Variants in PTPRT observed in about 807,000 individuals in gnomAD.
PTPRT encodes the protein receptor-type tyrosine-protein phosphatase T.
In PTPRT, 56 loss-of-function variants were observed where a neutral mutation model predicts 176.8. That is an observed-to-expected ratio of 0.32 (90% CI 0.26 to 0.40). The LOEUF (loss-of-function observed/expected upper bound fraction) is 0.40. PTPRT is among the 10% of genes least tolerant of loss of function. The pLI is 1.00. For synonymous variants in PTPRT, 783 were observed against 739.0 expected, an observed-to-expected ratio of 1.06 and a Z score of -0.96; for missense variants, 1,540 against 1,908.2, an observed-to-expected ratio of 0.81 and a Z score of 3.60.
At chr20:42,874,808 G>A (rs2078903508) in intron 2 of PTPRT, among the ~76,000 whole-genome samples, 1 of 152,164 alleles carries the variant, frequency 6.6e-6, no homozygotes, top group Non-Finnish European at 1.5e-5. Context: ...CCAGGAAGTG[G>A]TATACACATG....
intron 1 of PTPRT, among the ~76,000 whole-genome samples, chr20:43,062,833 T>C (rs1217731050): frequency 2.0e-5 from 3 of 152,182 alleles, no homozygotes; most frequent in African/African-American, 4.8e-5. Flanking sequence ...AATAAGGTCA[T>C]TGAGGGGAAA....
intron 18 of PTPRT, among the ~76,000 whole-genome samples, chr20:42,132,069 C>A (rs1302258112): frequency 6.6e-6 from 1 of 152,196 alleles, no homozygotes; most frequent in Non-Finnish European, 1.5e-5. Context: ...CTCAAGGAAT[C>A]ATGCTGGGCT....
At chr20:42,708,426 G>C (rs1263274674) in intron 6 of PTPRT, among the ~76,000 whole-genome samples, 1 of 152,144 alleles carries the variant, frequency 6.6e-6, no homozygotes, top group African/African-American at 2.4e-5. Context: ...TGGAGAGAGA[G>C]ATTTCTCAGT....
At chr20:42,231,595 T>C (rs1386721914) in intron 15 of PTPRT, among the ~76,000 whole-genome samples, 1 of 152,108 alleles carries the variant, frequency 6.6e-6, no homozygotes, top group Non-Finnish European at 1.5e-5. Flanking sequence ...TGGCAGGAGC[T>C]CAATAAGACA....
At chr20:42,659,205 T>G (rs3091699) in intron 7 of PTPRT, among the ~76,000 whole-genome samples, 74,028 of 151,934 alleles carry the variant, frequency 0.49, 20,487 homozygotes, top group African/African-American at 0.77. Context: ...TCTCTAACTC[T>G]CAAAAAAAAC....
chr20:42,551,013 C>G (rs1311160279), intron 7 of PTPRT, among the ~76,000 whole-genome samples: 2 of 152,072 alleles, frequency 1.3e-5, no homozygotes, highest in Non-Finnish European at 2.9e-5. Flanking sequence ...TGTACTTAAC[C>G]TCTCTATGCT....
intron 9 of PTPRT, among the ~76,000 whole-genome samples, chr20:42,398,882 G>A (rs2145696404): frequency 6.6e-6 from 1 of 152,340 alleles, no homozygotes; most frequent in African/African-American, 2.4e-5. Context: ...AGTAGCCATA[G>A]TCATCTAAGC....
At chr20:42,513,314 T>G (rs1295852174) in intron 7 of PTPRT, among the ~76,000 whole-genome samples, 1 of 152,034 alleles carries the variant, frequency 6.6e-6, no homozygotes, top group Non-Finnish European at 1.5e-5. Flanking sequence ...CTTAATTTTG[T>G]TAATTTCTGG....
chr20:42,239,556 G>A (rs2056312802), intron 14 of PTPRT, among the ~76,000 whole-genome samples: 2 of 151,574 alleles, frequency 1.3e-5, no homozygotes, highest in Admixed American at 1.3e-4. Flanking sequence ...CTGAGTAGCT[G>A]GGACTACAGG....
At chr20:43,106,494 TA>T (rs1249749291) in intron 1 of PTPRT, among the ~76,000 whole-genome samples, 1 of 151,558 alleles carries the variant, frequency 6.6e-6, no homozygotes, top group Non-Finnish European at 1.5e-5. Context: ...CCATCTCTAC[TA>T]AAAATACAAA....
intron 1 of PTPRT, among the ~76,000 whole-genome samples, chr20:42,896,822 TG>T (rs1327189993): frequency 1.3e-5 from 2 of 152,132 alleles, no homozygotes; most frequent in African/African-American, 4.8e-5. Context: ...TCCACCCTCG[TG>T]CCAACAAATG....
rs776143904 is a variant in PTPRT at position 42,448,268 on chromosome 20, G to A, written c.1512C>T (p.Ile504=). Residue 504 remains isoleucine (I), a synonymous_variant, in exon 9 of 31, where the codon ATC becomes ATT. Transcript: ENST00000373187. ...TGGTCTCATTGGGAGGTTTCCACTG[G>A]ATGTAGATCTTCTCCTCAAAGGGCC... is the stretch of plus-strand genomic sequence containing the variant. ...QGGPFEEKIY[I]QWKPPNETNG... is the part of the protein sequence containing the mutation. 1.9e-6 allele frequency: 3 copies of A among 1,613,490 alleles called. No individual in the cohort carries two copies. The African/African-American group carries it at 4.0e-5, about 22-fold the overall frequency.
intron 7 of PTPRT, among the ~76,000 whole-genome samples, chr20:42,502,724 T>C (rs959155774): frequency 6.6e-6 from 1 of 152,108 alleles, no homozygotes; most frequent in Non-Finnish European, 1.5e-5. Flanking sequence ...GGTGCCAGAT[T>C]TTTTAGCTAT....
chr20:43,111,807 A>T (rs2012879539), intron 1 of PTPRT, among the ~76,000 whole-genome samples: 1 of 152,214 alleles, frequency 6.6e-6, no homozygotes, highest in South Asian at 2.1e-4. Flanking sequence ...GAAACAGGCC[A>T]TGTTAATTAT....
chr20:42,363,548 G>A (rs2145573431), intron 9 of PTPRT, among the ~76,000 whole-genome samples: 1 of 151,600 alleles, frequency 6.6e-6, no homozygotes, highest in South Asian at 2.1e-4. Context: ...GACCTCAGGT[G>A]ATCAGCCCGC....
chr20:42,600,286 T>C (rs762977982), intron 7 of PTPRT, among the ~76,000 whole-genome samples: 1 of 151,948 alleles, frequency 6.6e-6, no homozygotes, highest in Admixed American at 6.6e-5. Context: ...ACTACAGGTG[T>C]GCGCCATAAA....
Position 42,338,306 on chromosome 20 carries a change from T to C in PTPRT, c.1865+12322A>G, listed in dbSNP as rs6102783. Among the ~76,000 whole-genome samples the C allele has an allele frequency of 4.0e-3, 610 of 152,318 alleles. 6 individuals carry two copies. Among genetic ancestry groups the C allele is most frequent in the African/African-American group, 0.014 (588 of 41,570 alleles). On this transcript the variant is annotated intron_variant, in intron 11 of 30. Transcript: ENST00000373187. Reference sequence around the variant, plus strand: ...TTGTTTCCCTTCACACTTGCAGTATTACATGTCCCTGATAGAGAGATGGTG... The same window carrying C: ...TTGTTTCCCTTCACACTTGCAGTATCACATGTCCCTGATAGAGAGATGGTG...
At chr20:42,187,692 A>G (rs1990836210) in intron 16 of PTPRT, among the ~76,000 whole-genome samples, 1 of 152,218 alleles carries the variant, frequency 6.6e-6, no homozygotes, top group Non-Finnish European at 1.5e-5. Context: ...CTGAGTAGAT[A>G]TTGATGGGGT....
chr20:42,611,566 C>T (rs2073976634), intron 7 of PTPRT, among the ~76,000 whole-genome samples: 1 of 146,116 alleles, frequency 6.8e-6, no homozygotes. Context: ...TATCCCAGTC[C>T]ACTCTCAGGC....
Sources: gnomAD v4.1 joint callset for allele counts (sites outside exome capture counted in the v4.1 genomes callset) on GRCh38, gnomAD v4.1.1 for gene constraint, MANE v1.5 for transcripts, NCBI Gene and HGNC (gene_info 2026-07-23, HGNC 2026-07-21) for gene names.